Variants in NEGR1 observed in about 807,000 individuals in gnomAD.
The protein encoded by NEGR1 is neuronal growth regulator 1, also known as IgLON family member 4.
In NEGR1, 10 loss-of-function variants were observed where a neutral mutation model predicts 40.9. The observed-to-expected ratio is 0.24, with a 90% CI of 0.15 to 0.42. The LOEUF (loss-of-function observed/expected upper bound fraction) is 0.42, where lower values mean the gene tolerates loss of function less well. NEGR1 is among the 10% of genes least tolerant of loss of function. The pLI, the probability that NEGR1 is intolerant of heterozygous loss-of-function variation, is 1.00. For synonymous variants in NEGR1, 185 were observed against 166.8 expected (o/e 1.11, Z -0.84); for missense variants, 352 against 438.9 (o/e 0.80, Z 1.77).
chr1:71,596,187 G>A (rs545383569), intron 5 of NEGR1, among the ~76,000 whole-genome samples: 3 of 152,220 alleles, frequency 2.0e-5, no homozygotes, highest in South Asian at 4.2e-4. Flanking sequence ...TTTTATCATA[G>A]GGAATATAGT....
At chr1:72,106,870 A>G (rs928606481) in intron 1 of NEGR1, among the ~76,000 whole-genome samples, 1 of 151,988 alleles carries the variant, frequency 6.6e-6, no homozygotes, top group Non-Finnish European at 1.5e-5. Context: ...AAATATAGAT[A>G]TAGATACAGA....
At position 71,405,056 on chromosome 1, in the gene NEGR1, T is replaced by C. The variant is rs2101253770; in HGVS notation, c.*2390A>G. On this transcript the variant is annotated 3_prime_UTR_variant, in exon 7 of 7. Coordinates refer to ENST00000357731, the MANE Select transcript of NEGR1 (RefSeq NM_173808.3). ...AAAAACATAGTGAATACCTCCTCTA[T>C]TTAAAAATGTCACTCAAGAAAGTCT... 1 of 152,240 alleles carries C rather than the reference T, an allele frequency of 6.6e-6. No individual in the cohort carries two copies. Among genetic ancestry groups the C allele is most frequent in the South Asian group, 2.1e-4 (1 of 4,830 alleles). 9.4% of individuals were successfully genotyped at this position (152,240 alleles called of 1,614,324 possible).
At chr1:72,226,424 C>A (rs1241703934) in intron 1 of NEGR1, among the ~76,000 whole-genome samples, 2 of 151,990 alleles carry the variant, frequency 1.3e-5, no homozygotes, top group South Asian at 2.1e-4. Flanking sequence ...CATATACCTA[C>A]TTTCTGAATC....
chr1:72,046,383 A>G (rs1244404279), intron 1 of NEGR1, among the ~76,000 whole-genome samples: 1 of 151,580 alleles, frequency 6.6e-6, no homozygotes, highest in Non-Finnish European at 1.5e-5. Context: ...TTTTTTGAGG[A>G]AAAGTATACA....
intron 1 of NEGR1, among the ~76,000 whole-genome samples, chr1:72,071,759 C>T (rs2821265): frequency 0.11 from 17,395 of 152,028 alleles, 1,198 homozygotes; most frequent in East Asian, 0.28. Flanking sequence ...GTTTCCACAA[C>T]CACTTCCTCA....
chr1:71,649,628 G>C (rs1651644186), intron 4 of NEGR1, among the ~76,000 whole-genome samples: 1 of 152,074 alleles, frequency 6.6e-6, no homozygotes, highest in African/African-American at 2.4e-5. Flanking sequence ...TTTTTTAACA[G>C]TGATTCTTTT....
In NEGR1 at chr1:71,676,644, C is replaced by A. The variant is rs377546617; in HGVS notation, c.667+21364G>T. 1.3e-3 allele frequency among the ~76,000 whole-genome samples: 193 copies of A among 152,304 alleles called. 1 individual carries two copies. The highest frequency in any genetic ancestry group is 5.4e-3 in the South Asian group (26 of 4,826). On this transcript the variant is annotated intron_variant, in intron 4 of 6. Transcript: ENST00000357731. ...TCTCCACCATACTGCTAACCATTAT[C>A]TCTTCTCAATGTAACCCACAGGGTG... is the stretch of plus-strand genomic sequence containing the variant.
chr1:71,992,081 C>T (rs909208838), intron 1 of NEGR1, among the ~76,000 whole-genome samples: 8 of 152,018 alleles, frequency 5.3e-5, no homozygotes, highest in African/African-American at 1.7e-4. Flanking sequence ...AGGTGTGAGC[C>T]GCTGTGCCCG....
intron 2 of NEGR1, among the ~76,000 whole-genome samples, chr1:71,916,600 C>CA (rs969296780): frequency 2.7e-4 from 41 of 151,856 alleles, no homozygotes; most frequent in East Asian, 2.5e-3. Context: ...TAAAAAAATA[C>CA]AAAAAATTAG....
chr1:71,838,642 C>T (rs1659125099), intron 2 of NEGR1, among the ~76,000 whole-genome samples: 1 of 152,102 alleles, frequency 6.6e-6, no homozygotes, highest in African/African-American at 2.4e-5. Context: ...TTGTTTCATT[C>T]AGAGTAGTCT....
chr1:71,550,426 C>G (rs1648037607), intron 6 of NEGR1, among the ~76,000 whole-genome samples: 1 of 151,548 alleles, frequency 6.6e-6, no homozygotes, highest in African/African-American at 2.4e-5. Context: ...CTCACACTTG[C>G]TCCTGGCAAG....
At chr1:72,015,174 A>G (rs114667465) in intron 1 of NEGR1, among the ~76,000 whole-genome samples, 4,835 of 152,208 alleles carry the variant, frequency 0.032, 144 homozygotes, top group Non-Finnish European at 0.046. Context: ...TGTTAAGAAA[A>G]AGTGTCCCTG....
At chr1:71,837,046 C>T (rs1393737297) in intron 2 of NEGR1, 1 of 152,112 alleles carries the variant, frequency 6.6e-6, no homozygotes, top group Non-Finnish European at 1.5e-5. Flanking sequence ...TGTGAAACAA[C>T]TAACTGATCT....
intron 6 of NEGR1, among the ~76,000 whole-genome samples, chr1:71,461,315 TATA>T (rs1281227156): frequency 6.6e-6 from 1 of 152,204 alleles, no homozygotes; most frequent in African/African-American, 2.4e-5. Flanking sequence ...GCATACTTTT[TATA>T]ATAATACAGA....
chr1:71,790,100 A>G (rs1386101442), intron 2 of NEGR1, among the ~76,000 whole-genome samples: 1 of 152,146 alleles, frequency 6.6e-6, no homozygotes, highest in Non-Finnish European at 1.5e-5. Flanking sequence ...AAATTCTATG[A>G]ACATATTGAG....
At chr1:72,048,850 AG>A (rs1276086159) in intron 1 of NEGR1, among the ~76,000 whole-genome samples, 1 of 151,680 alleles carries the variant, frequency 6.6e-6, no homozygotes, top group Non-Finnish European at 1.5e-5. Context: ...GAAACAAAAA[AG>A]GATATCCTAG....
chr1:71,745,464 T>C lies in NEGR1; in HGVS notation c.535+30708A>G, dbSNP rs560054049. ...TAAATATTTGATTGCTCACACTATATAGAGCCCTGACTTTGGTGGGTGATC... is the reference window on the plus strand; with the variant it reads ...TAAATATTTGATTGCTCACACTATACAGAGCCCTGACTTTGGTGGGTGATC... On this transcript the variant is annotated intron_variant, in intron 3 of 6. Transcript: ENST00000357731. Among the ~76,000 whole-genome samples the C allele has an allele frequency of 7.2e-5, 11 of 152,320 alleles. No homozygotes were observed. The South Asian group carries it at 1.9e-3, about 26-fold the overall frequency.
chr1:72,110,228 A>T (rs1237410672), intron 1 of NEGR1, among the ~76,000 whole-genome samples: 33 of 150,598 alleles, frequency 2.2e-4, no homozygotes, highest in African/African-American at 8.0e-4. Flanking sequence ...TAATAAAAAA[A>T]AAAAAAAAAA....
At chr1:71,977,623 C>T (rs988584355) in intron 1 of NEGR1, among the ~76,000 whole-genome samples, 1 of 151,794 alleles carries the variant, frequency 6.6e-6, no homozygotes, top group African/African-American at 2.4e-5. Context: ...AAAAGTTGTT[C>T]TTTTCCAAAA....
Sources: allele counts gnomAD v4.1 joint callset (sites outside exome capture counted in the v4.1 genomes callset), GRCh38; gene constraint gnomAD v4.1.1; transcripts MANE v1.5; gene names NCBI Gene and HGNC (gene_info 2026-07-23, HGNC 2026-07-21).